The following ZCCHC14 variants were observed in gnomAD, a reference collection of about 807,000 sequenced individuals.
ZCCHC14 encodes zinc finger CCHC domain-containing protein 14.
Under a neutral mutation model 85.0 loss-of-function variants are expected in ZCCHC14, and 16 were observed. The observed-to-expected ratio is 0.19, with a 90% confidence interval of 0.13 to 0.29. The LOEUF is 0.29. Among genes scored for constraint, ZCCHC14 ranks in the 10% least tolerant of loss-of-function variants. The pLI is 1.00. For synonymous variants in ZCCHC14, 775 were observed against 630.7 expected (o/e 1.23, Z -3.43); for missense variants, 1,303 against 1,443.5 (o/e 0.90, Z 1.58).
intron 1 of ZCCHC14, among the ~76,000 whole-genome samples, chr16:87,483,873 A>G (rs1334627090): frequency 6.6e-6 from 1 of 152,214 alleles, no homozygotes; most frequent in Non-Finnish European, 1.5e-5. Context: ...TGTCTGTAAC[A>G]TGTAGGTGAT....
intron 1 of ZCCHC14, among the ~76,000 whole-genome samples, chr16:87,468,537 C>A (rs1597445441): frequency 6.6e-6 from 1 of 152,228 alleles, no homozygotes; most frequent in South Asian, 2.1e-4. Context: ...GCCACCATGC[C>A]AGGCTTAACC....
At chr16:87,475,944 TCA>T (rs1911986331) in intron 1 of ZCCHC14, among the ~76,000 whole-genome samples, 1 of 152,084 alleles carries the variant, frequency 6.6e-6, no homozygotes, top group Non-Finnish European at 1.5e-5. Context: ...CTTGGACACA[TCA>T]CAGTCAGGCT....
intron 1 of ZCCHC14, among the ~76,000 whole-genome samples, chr16:87,487,829 C>T (rs1912582107): frequency 1.3e-5 from 2 of 152,160 alleles, no homozygotes; most frequent in Non-Finnish European, 2.9e-5. Context: ...TGCTGACACA[C>T]CCACAGCATG....
chr16:87,442,473 G>T (rs4424916), intron 2 of ZCCHC14, among the ~76,000 whole-genome samples: 150,373 of 152,278 alleles, frequency 0.99, 74,277 homozygotes, highest in Middle Eastern at 1. Context: ...GCAGCTACTG[G>T]CACAATGCCC....
At position 87,426,093 on chromosome 16, in the gene ZCCHC14, A is replaced by G. The variant is rs75083236; in HGVS notation, c.769-2212T>C. ...AGTGAGCACTGGAAACAGAGACCGC[A>G]CAGTCAGGCGGAGACCAGCCCATGT... On this transcript the variant is annotated intron_variant, in intron 3 of 12. Coordinates refer to ENST00000671377, the MANE Select transcript of ZCCHC14 (RefSeq NM_015144.3). Among the ~76,000 whole-genome samples, 3 of 152,316 alleles carry G rather than the reference A, an allele frequency of 2.0e-5. No individual in the cohort carries two copies. In the East Asian group the frequency reaches 5.8e-4, roughly 29 times the overall value.
rs1597444605 is a variant in ZCCHC14 at position 87,467,356 on chromosome 16, C to A, written c.571-7225G>T. ...GAAAAAGATTTCATCCAACTCTGCACCCCTGGGGTAATTAAGCAAGAGAAA... is the reference window on the plus strand; with the variant it reads ...GAAAAAGATTTCATCCAACTCTGCAACCCTGGGGTAATTAAGCAAGAGAAA... On this transcript the variant is annotated intron_variant, in intron 1 of 12. Transcript: ENST00000671377. 9 of 1,597,104 alleles carry A rather than the reference C, an allele frequency of 5.6e-6. No homozygotes were observed. The East Asian group carries it at 1.6e-4, about 28-fold the overall frequency.
chr16:87,428,960 C>T (rs914654652), intron 3 of ZCCHC14, among the ~76,000 whole-genome samples: 2 of 152,216 alleles, frequency 1.3e-5, no homozygotes, highest in South Asian at 2.1e-4. Flanking sequence ...CGCCTGTGAA[C>T]GGGTGTCTTC....
At chr16:87,477,291 C>A (rs775686516) in intron 1 of ZCCHC14, among the ~76,000 whole-genome samples, 1 of 152,202 alleles carries the variant, frequency 6.6e-6, no homozygotes, top group South Asian at 2.1e-4. Context: ...TGAGGACTAT[C>A]AGTTACACAC....
chr16:87,411,694 C>A lies in ZCCHC14; in HGVS notation c.3027G>T (p.Val1009=). ...PVLSGQSTFA[V]PPMQNFMAGT... ...CTGCCATGAAGTTCTGCATGGGTGG[C>A]ACGGCAAACGTGGACTGCCCACTCA... The change falls in exon 12 of 13, where the codon GTG becomes GTT. Residue 1009 remains valine, a synonymous_variant. Coordinates refer to ENST00000671377, the MANE Select transcript of ZCCHC14 (RefSeq NM_015144.3). 6.2e-7 allele frequency: 1 copy of A among 1,614,078 alleles called. No homozygotes were observed. The highest frequency in any genetic ancestry group is 1.3e-5 in the African/African-American group (1 of 75,054).
At chr16:87,434,121 C>G (rs375769467) in intron 2 of ZCCHC14, among the ~76,000 whole-genome samples, 1 of 152,156 alleles carries the variant, frequency 6.6e-6, no homozygotes, top group Non-Finnish European at 1.5e-5. Context: ...CCAGGGAGCC[C>G]GGAAGGCATC....
intron 2 of ZCCHC14, among the ~76,000 whole-genome samples, chr16:87,453,739 T>TGTGTGTGG (rs1910822033): frequency 2.0e-5 from 3 of 152,190 alleles, no homozygotes; most frequent in Admixed American, 6.5e-5. Context: ...GGAAACTCTA[T>TGTGTGTGG]AATCACACAC....
intron 9 of ZCCHC14, 31 bp from the exon 10 acceptor site, chr16:87,414,572 A>G (rs1908683472): frequency 6.3e-7 from 1 of 1,593,062 alleles, no homozygotes. Flanking sequence ...GGAACAAGTG[A>G]GCACTGCCTA....
chr16:87,434,651 T>G (rs1436989590), intron 2 of ZCCHC14, among the ~76,000 whole-genome samples: 1 of 152,218 alleles, frequency 6.6e-6, no homozygotes, highest in African/African-American at 2.4e-5. Context: ...CGGGCGCCAG[T>G]GCTCACACAA....
chr16:87,433,087 T>G (rs1476466639), intron 3 of ZCCHC14, 41 bp downstream of exon 3: 1 of 1,596,502 alleles, frequency 6.3e-7, no homozygotes, highest in South Asian at 1.1e-5. Flanking sequence ...GTTTTCTTCC[T>G]AGCCTTCCAG....
At chr16:87,434,292 C>T (rs1303993677) in intron 2 of ZCCHC14, among the ~76,000 whole-genome samples, 1 of 152,224 alleles carries the variant, frequency 6.6e-6, no homozygotes, top group Non-Finnish European at 1.5e-5. Flanking sequence ...GACTCAGCCT[C>T]ATCAAGGCAG....
At chr16:87,445,182 T>A (rs889892572) in intron 2 of ZCCHC14, among the ~76,000 whole-genome samples, 1 of 151,970 alleles carries the variant, frequency 6.6e-6, no homozygotes, top group African/African-American at 2.4e-5. Context: ...TTCTCCTGCC[T>A]CAGCCTCCGA....
intron 2 of ZCCHC14, among the ~76,000 whole-genome samples, chr16:87,437,558 C>T (rs1909989376): frequency 6.6e-6 from 1 of 152,182 alleles, no homozygotes; most frequent in Admixed American, 6.5e-5. Context: ...CAGCACCGCA[C>T]CCAGGCAGGC....
In ZCCHC14 at chr16:87,492,219, G is replaced by A. The variant is rs1567549149; in HGVS notation, c.20C>T (p.Pro7Leu). 1.0e-6 allele frequency: 1 copy of A among 984,302 alleles called. No individual in the cohort carries two copies. The highest frequency in any genetic ancestry group is 1.2e-6 in the Non-Finnish European group (1 of 829,592). The allele number at this position is 984,302 out of a possible 1,614,324, so 61.0% of individuals were successfully genotyped here. Residue 7 changes from proline to leucine, a missense_variant, in exon 1 of 13, where the codon CCG becomes CTG. Transcript: ENST00000671377. This position sits in a 1 kb window ranked among gnomAD's most constrained non-coding sequence, Gnocchi z 6.7. MVEKRCPLQRDGVYRWF... is the reference protein window; with the variant it reads MVEKRCLLQRDGVYRWF... ...GCGGTACACGCCGTCCCTCTGCAGCGGGCAGCGCTTCTCCACCATGCTGCC... is the reference window on the plus strand; with the variant it reads ...GCGGTACACGCCGTCCCTCTGCAGCAGGCAGCGCTTCTCCACCATGCTGCC...
At chr16:87,423,363 G>A (rs1449412931) in intron 4 of ZCCHC14, among the ~76,000 whole-genome samples, 1 of 152,094 alleles carries the variant, frequency 6.6e-6, no homozygotes, top group Non-Finnish European at 1.5e-5. Context: ...CAGCCTGGGC[G>A]AGAGCAAGAT....
Sources: allele counts gnomAD v4.1 joint callset (sites outside exome capture counted in the v4.1 genomes callset), GRCh38; gene constraint gnomAD v4.1.1; non-coding constraint Gnocchi (gnomAD v3.1); transcripts MANE v1.5; gene names NCBI Gene and HGNC (gene_info 2026-07-23, HGNC 2026-07-21).